PRRC2B: variants seen among roughly 807,000 people sequenced by gnomAD.
PRRC2B encodes protein PRRC2B.
PRRC2B carries 68 observed loss-of-function variants against 242.3 expected under a neutral mutation model. The observed-to-expected ratio is 0.28, with a 90% CI of 0.23 to 0.34. PRRC2B has a LOEUF of 0.34. Ranked by LOEUF, PRRC2B falls within the 10% of genes least tolerant of loss-of-function variation. The pLI, the probability that PRRC2B is intolerant of heterozygous loss-of-function variation, is 1.00. For missense variants in PRRC2B, 2,835 were observed against 2,954.8 expected (o/e 0.96, Z 0.94); for synonymous variants, 1,228 against 1,173.6 (o/e 1.05, Z -0.95).
At chr9:131,477,999 G>T in intron 17 of PRRC2B, 50 bp downstream of exon 17, 1 of 1,549,712 alleles carries the variant, frequency 6.5e-7, no homozygotes, top group South Asian at 1.1e-5. Context: ...AGAACCAGGG[G>T]CCATGCAGTC....
At chr9:131,448,378 T>C (rs1467398107) in intron 9 of PRRC2B, among the ~76,000 whole-genome samples, 1 of 151,452 alleles carries the variant, frequency 6.6e-6, no homozygotes, top group Admixed American at 6.6e-5. Flanking sequence ...ACCCTGTCTC[T>C]ACTAAAAATA....
chr9:131,488,234 G>A (rs967181456), intron 28 of PRRC2B, 138 bp downstream of exon 28: 2 of 1,227,246 alleles, frequency 1.6e-6, no homozygotes, highest in Middle Eastern at 2.0e-4. Context: ...TCCTCAGCGT[G>A]CAGGAAATCA....
intron 28 of PRRC2B, among the ~76,000 whole-genome samples, chr9:131,489,697 A>T (rs767577770): frequency 2.6e-5 from 4 of 152,116 alleles, no homozygotes; most frequent in Non-Finnish European, 5.9e-5. Flanking sequence ...GAGCAGTGAC[A>T]GTCTCCAAGC....
At chr9:131,391,110 C>T (rs1393210704), upstream of PRRC2B, among the ~76,000 whole-genome samples, 5 of 152,090 alleles carry the variant, frequency 3.3e-5, no homozygotes, top group South Asian at 2.1e-4. Flanking sequence ...ACCCTTCCCT[C>T]GCTGTGTTGC....
In PRRC2B at chr9:131,475,072, C is replaced by T. The variant is rs1328083685; in HGVS notation, c.2943C>T (p.Pro981=). 3.7e-6 allele frequency: 6 copies of T among 1,610,690 alleles called. No individual in the cohort carries two copies. Among genetic ancestry groups the T allele is most frequent in the Non-Finnish European group, 4.2e-6 (5 of 1,178,484 alleles). Reference sequence around the variant, plus strand: ...TGGCCAAGGAGAAGGAGCAGAGCCCCACGGCAGAAAAGGATGAGGACGAAG... The same window carrying T: ...TGGCCAAGGAGAAGGAGCAGAGCCCTACGGCAGAAAAGGATGAGGACGAAG... ...TRLAKEKEQS[P]TAEKDEDEEN... is the part of the protein sequence containing the mutation. The change falls in exon 16 of 32, where the codon CCC becomes CCT. Residue 981 remains proline (P), a synonymous_variant. Transcript: ENST00000683519.
At chr9:131,462,734 A>G (rs1166288279) in intron 11 of PRRC2B, among the ~76,000 whole-genome samples, 1 of 147,080 alleles carries the variant, frequency 6.8e-6, no homozygotes, top group Non-Finnish European at 1.5e-5. Context: ...GCTACTCAGG[A>G]GGCTGAGGCA....
chr9:131,414,997 T>G (rs1255038474), intron 1 of PRRC2B, among the ~76,000 whole-genome samples: 1 of 152,184 alleles, frequency 6.6e-6, no homozygotes, highest in East Asian at 1.9e-4. Flanking sequence ...ACTGTCTTTT[T>G]TGTTTGTTTT....
Position 131,447,110 on chromosome 9 carries a change from A to G in PRRC2B, c.881A>G (p.Asn294Ser). The G allele has an allele frequency of 1.2e-6, 2 of 1,613,992 alleles. No individual in the cohort carries two copies. The highest frequency in any genetic ancestry group is 2.2e-5 in the South Asian group (2 of 91,082). The change falls in exon 8 of 32, where the codon AAC (asparagine) becomes AGC (serine). Residue 294 changes from asparagine to serine, a missense_variant. Around this residue, in one of 7 missense-constraint regions of PRRC2B, gnomAD observed 626 missense variants for 685.5 expected, o/e 0.91. Coordinates refer to ENST00000683519, the MANE Select transcript of PRRC2B (RefSeq NM_013318.4). ...ATGTGTTCGCCGAAGTCATCAGAAA[A>G]CCAGGGTACAGTGGAACGAGGCTCT... The part of the protein sequence containing the change: ...AFMCSPKSSE[N>S]QGTVERGSFP...
Position 131,462,836 on chromosome 9 carries a change from T to TAAAAAAAA in PRRC2B, c.1405-1914_1405-1907dup, listed in dbSNP as rs553444971. On this transcript the variant is annotated intron_variant, in intron 11 of 31. Transcript: ENST00000683519. Reference sequence around the variant, plus strand: ...CTGGGTGACAGAGTGAGACTCCGTCTAAAAAAAAAAAAAAAAAAAAGGTCT... The same window carrying TAAAAAAAA: ...CTGGGTGACAGAGTGAGACTCCGTCTAAAAAAAAAAAAAAAAAAAAAAAAAAAAGGTCT... 4.8e-4 allele frequency among the ~76,000 whole-genome samples: 39 copies of TAAAAAAAA among 81,916 alleles called. 1 individual carries two copies. Among genetic ancestry groups the TAAAAAAAA allele is most frequent in the Middle Eastern group, 7.8e-3 (1 of 128 alleles). The allele number at this position is 81,916 out of a possible 152,430, so 53.7% of individuals were successfully genotyped here.
At chr9:131,463,628 C>CTTTTTTTTTTTTTTTTTT (rs374951504) in intron 11 of PRRC2B, among the ~76,000 whole-genome samples, 3 of 125,780 alleles carry the variant, frequency 2.4e-5, no homozygotes, top group Non-Finnish European at 3.2e-5. Flanking sequence ...TTTAGGCATG[C>CTTTTTTTTTTTTTTTTTT]TTTTTTTTTT....
chr9:131,469,014 C>T (rs919772184), intron 13 of PRRC2B, among the ~76,000 whole-genome samples: 1 of 152,072 alleles, frequency 6.6e-6, no homozygotes, highest in Non-Finnish European at 1.5e-5. Context: ...CCTTGGGGTG[C>T]GGAGGAAGTG....
In PRRC2B at chr9:131,421,475, C is replaced by T. The variant is rs529864697; in HGVS notation, c.-51-8619C>T. 1.2e-3 allele frequency among the ~76,000 whole-genome samples: 189 copies of T among 152,282 alleles called. 1 individual carries two copies. The highest frequency in any genetic ancestry group is 3.9e-3 in the African/African-American group (164 of 41,550). ...TGGCCCACATTGTTACTTCCTGAAG[C>T]GTTTATCCAGCCTGCTATCAATTTC... On this transcript the variant is annotated intron_variant, in intron 1 of 31. Coordinates refer to ENST00000683519, the MANE Select transcript of PRRC2B (RefSeq NM_013318.4).
chr9:131,492,185 T>G lies in PRRC2B; in HGVS notation c.6398T>G (p.Met2133Arg). ...TCTCTCTAGCCCTCTCAGATGGAGA[T>G]GAAAGGCTTCCACTTTGCCGACAGT... Reference protein sequence around the residue: ...NTSREPSQMEMKGFHFADSKQ... With the variant: ...NTSREPSQMERKGFHFADSKQ... Residue 2133 changes from methionine (M) to arginine (R), a missense_variant, in exon 30 of 32, where the codon ATG becomes AGG. Met to Arg is a moderately conservative substitution (Grantham distance 91). This residue lies in a region of PRRC2B where 574 missense variants were observed against 626.0 expected (regional missense o/e 0.92). Transcript: ENST00000683519. The G allele has an allele frequency of 6.2e-7, 1 of 1,613,822 alleles. No individual in the cohort carries two copies. Among genetic ancestry groups the G allele is most frequent in the African/African-American group, 1.3e-5 (1 of 75,038 alleles).
intron 1 of PRRC2B, among the ~76,000 whole-genome samples, chr9:131,426,960 G>GT (rs1379179229): frequency 2.6e-5 from 4 of 152,236 alleles, no homozygotes; most frequent in African/African-American, 9.6e-5. Context: ...AGGGAGTTAA[G>GT]TAACCAACCA....
intron 3 of PRRC2B, 30 bp from the exon 4 acceptor site, chr9:131,436,590 G>A (rs1169149487): frequency 6.3e-7 from 1 of 1,587,782 alleles, no homozygotes; most frequent in African/African-American, 1.3e-5. Context: ...TCTGTGCGGT[G>A]CCTGACCCCA....
chr9:131,421,379 C>A (rs1588242827), intron 1 of PRRC2B, among the ~76,000 whole-genome samples: 1 of 152,164 alleles, frequency 6.6e-6, no homozygotes, highest in Non-Finnish European at 1.5e-5. Flanking sequence ...TTCATCTTGT[C>A]CCTGGATTTC....
chr9:131,434,732 C>T (rs1312074125), intron 3 of PRRC2B, among the ~76,000 whole-genome samples: 5 of 152,138 alleles, frequency 3.3e-5, no homozygotes, highest in Non-Finnish European at 7.4e-5. Context: ...GGAGTTCCCA[C>T]CAGGGGGGTG....
At chr9:131,425,232 C>T (rs1222911220) in intron 1 of PRRC2B, among the ~76,000 whole-genome samples, 5 of 152,212 alleles carry the variant, frequency 3.3e-5, no homozygotes, top group Middle Eastern at 3.4e-3. Flanking sequence ...GTGATCCTCT[C>T]GCCTCGGCCT....
chr9:131,473,298 T>A (rs1443010829), intron 14 of PRRC2B, among the ~76,000 whole-genome samples: 2 of 152,142 alleles, frequency 1.3e-5, no homozygotes, highest in African/African-American at 4.8e-5. Context: ...CTTGGACAGG[T>A]CTTTGAACCA....
Sources: gnomAD v4.1 joint callset for allele counts (sites outside exome capture counted in the v4.1 genomes callset) on GRCh38, gnomAD v4.1.1 for gene constraint, gnomAD v4.1.1 regional missense constraint, MANE v1.5 for transcripts, NCBI Gene and HGNC (gene_info 2026-07-23, HGNC 2026-07-21) for gene names.